Variants in DENND2B observed in about 807,000 individuals in gnomAD.
DENND2B encodes the protein DENN domain-containing protein 2B.
DENND2B carries 32 observed loss-of-function variants against 116.0 expected under a neutral mutation model. The observed-to-expected ratio is 0.28, with a 90% CI of 0.21 to 0.37. DENND2B has a LOEUF of 0.37. Among genes scored for constraint, DENND2B ranks in the 10% least tolerant of loss-of-function variants. The pLI is 1.00. For missense variants in DENND2B, 1,276 were observed against 1,477.7 expected (o/e 0.86, Z 2.24); for synonymous variants, 588 against 583.9 (o/e 1.01, Z -0.10).
At chr11:8,836,365 C>T (rs2134599733) in intron 4 of DENND2B, among the ~76,000 whole-genome samples, 1 of 150,572 alleles carries the variant, frequency 6.6e-6, no homozygotes, top group East Asian at 2.0e-4. Context: ...GAGCATGGGT[C>T]CTCATCCTCA....
At chr11:8,824,853 AT>A (rs371924172) in intron 4 of DENND2B, among the ~76,000 whole-genome samples, 93 of 130,200 alleles carry the variant, frequency 7.1e-4, no homozygotes, top group African/African-American at 2.3e-3. Context: ...ACACCCAGCT[AT>A]TTTTTTTTTT....
intron 1 of DENND2B, among the ~76,000 whole-genome samples, chr11:8,798,753 G>C (rs1310725907): frequency 2.0e-5 from 3 of 152,126 alleles, no homozygotes; most frequent in East Asian, 1.9e-4. Flanking sequence ...GCAACTGGAG[G>C]GGGTAGGAAA....
intron 4 of DENND2B, among the ~76,000 whole-genome samples, chr11:8,723,272 G>C (rs551183019): frequency 7.0e-4 from 107 of 152,284 alleles, no homozygotes; most frequent in Non-Finnish European, 1.3e-3. Context: ...TCTATTATCT[G>C]ACAAGGATTT....
rs573031397 is a variant in DENND2B at position 8,712,499 on chromosome 11, A to G, written c.2172+52T>C. On this transcript the variant is annotated intron_variant, in intron 9 of 19. Coordinates refer to ENST00000313726, the MANE Select transcript of DENND2B (RefSeq NM_213618.2). The surrounding 1 kb of genome is among the most constrained non-coding windows in gnomAD (Gnocchi z 4.4). ...CCTTCCCCAGATAGGCCTGGCGGAT[A>G]GAGGATGGAAGAGGGGGAATATGGG... 1 of 1,506,368 alleles carries G rather than the reference A, an allele frequency of 6.6e-7. No homozygotes were observed. Among genetic ancestry groups the G allele is most frequent in the South Asian group, 1.3e-5 (1 of 79,506 alleles). 93.3% of individuals were successfully genotyped at this position (1,506,368 alleles called of 1,614,324 possible).
chr11:8,832,587 T>C (rs889672420), intron 4 of DENND2B: 30 of 152,116 alleles, frequency 2.0e-4, no homozygotes, highest in African/African-American at 7.3e-4. Context: ...TCAGTGGAAC[T>C]AGCATTCCTC....
At chr11:8,814,056 G>A (rs2061485894), upstream of DENND2B, among the ~76,000 whole-genome samples, 2 of 151,990 alleles carry the variant, frequency 1.3e-5, no homozygotes, top group Admixed American at 1.3e-4. Flanking sequence ...CAGAAACCTG[G>A]GAGACATCCT....
At chr11:8,886,210 C>T (rs2063959121) in intron 1 of DENND2B, among the ~76,000 whole-genome samples, 1 of 152,188 alleles carries the variant, frequency 6.6e-6, no homozygotes. Flanking sequence ...GCTGGGATTA[C>T]AGGCGTGAGC....
At chr11:8,816,191 A>G (rs1294117588) in intron 4 of DENND2B, among the ~76,000 whole-genome samples, 1 of 152,162 alleles carries the variant, frequency 6.6e-6, no homozygotes, top group Non-Finnish European at 1.5e-5. Context: ...CCTAGTTTCT[A>G]ATGCCCCCCA....
intron 4 of DENND2B, among the ~76,000 whole-genome samples, chr11:8,823,245 C>A (rs2061833934): frequency 6.6e-6 from 1 of 152,082 alleles, no homozygotes; most frequent in African/African-American, 2.4e-5. Flanking sequence ...AAAAATCTCT[C>A]TTGATCTTTA....
At chr11:8,879,793 A>C (rs748363608) in intron 2 of DENND2B, among the ~76,000 whole-genome samples, 9 of 152,170 alleles carry the variant, frequency 5.9e-5, no homozygotes, top group Non-Finnish European at 1.0e-4. Flanking sequence ...AAATTATGGG[A>C]AATTCTAGAC....
intron 5 of DENND2B, among the ~76,000 whole-genome samples, chr11:8,717,244 G>A (rs1022603401): frequency 6.6e-6 from 1 of 152,104 alleles, no homozygotes; most frequent in African/African-American, 2.4e-5. Flanking sequence ...CACAGGACTG[G>A]CTCCAGGTGT....
chr11:8,856,198 T>C (rs1394469310), intron 3 of DENND2B, among the ~76,000 whole-genome samples: 1 of 152,252 alleles, frequency 6.6e-6, no homozygotes, highest in Non-Finnish European at 1.5e-5. Context: ...ACTGAAGCTC[T>C]AGTACCCAGC....
At chr11:8,867,573 C>CTT (rs33990941) in intron 2 of DENND2B, among the ~76,000 whole-genome samples, 19,846 of 89,236 alleles carry the variant, frequency 0.22, 4,354 homozygotes, top group Middle Eastern at 0.36. Flanking sequence ...TAAAATTCAG[C>CTT]TTTTTTTTTT....
intron 1 of DENND2B, chr11:8,771,570 T>G (rs2056909754): frequency 1.9e-5 from 1 of 52,972 alleles, no homozygotes; most frequent in Non-Finnish European, 3.5e-5. Context: ...AGAGAGAGCC[T>G]TCTTCCCAGT....
intron 1 of DENND2B, among the ~76,000 whole-genome samples, chr11:8,762,985 T>C (rs1157577694): frequency 1.3e-5 from 2 of 152,180 alleles, no homozygotes; most frequent in African/African-American, 4.8e-5. Flanking sequence ...TAAGACAATG[T>C]ACTCAGTAGA....
chr11:8,709,409 A>G (rs1345171950), intron 11 of DENND2B, among the ~76,000 whole-genome samples: 1 of 152,180 alleles, frequency 6.6e-6, no homozygotes. Context: ...CAGGACAAAC[A>G]CGCTCTTCCC....
At chr11:8,867,486 T>C (rs1566069021) in intron 2 of DENND2B, among the ~76,000 whole-genome samples, 2 of 152,018 alleles carry the variant, frequency 1.3e-5, no homozygotes, top group South Asian at 4.1e-4. Flanking sequence ...GTGAAATAAA[T>C]GTATATTTTA....
At chr11:8,861,072 C>A (rs115804885) in intron 2 of DENND2B, among the ~76,000 whole-genome samples, 1,759 of 152,092 alleles carry the variant, frequency 0.012, 44 homozygotes, top group African/African-American at 0.041. Flanking sequence ...AGACATGAAA[C>A]CATAAAAATT....
chr11:8,827,267 G>A (rs2062014817), intron 4 of DENND2B, among the ~76,000 whole-genome samples: 1 of 152,204 alleles, frequency 6.6e-6, no homozygotes, highest in Non-Finnish European at 1.5e-5. Flanking sequence ...AGAGTGAAAA[G>A]AACAAAGGGT....
Sources: allele counts gnomAD v4.1 joint callset (sites outside exome capture counted in the v4.1 genomes callset), GRCh38; gene constraint gnomAD v4.1.1; non-coding constraint Gnocchi (gnomAD v3.1); transcripts MANE v1.5; gene names NCBI Gene and HGNC (gene_info 2026-07-23, HGNC 2026-07-21).